The following RBKS variants were observed in gnomAD, a reference collection of about 807,000 sequenced individuals.
The protein encoded by RBKS is ribokinase.
Under a neutral mutation model 33.9 loss-of-function variants are expected in RBKS, and 33 were observed. That is an observed-to-expected ratio of 0.97 (90% confidence interval 0.74 to 1.30). RBKS has a LOEUF of 1.30. Among genes scored for constraint, RBKS ranks in the 50% most tolerant of loss-of-function variants. The pLI is 0.00. For synonymous variants in RBKS, 125 were observed against 143.0 expected, an observed-to-expected ratio of 0.87 and a Z score of 0.90; for missense variants, 361 against 392.6, an observed-to-expected ratio of 0.92 and a Z score of 0.68.
intron 7 of RBKS, among the ~76,000 whole-genome samples, chr2:27,805,297 C>T (rs146232180): frequency 1.4e-4 from 22 of 152,288 alleles, no homozygotes; most frequent in African/African-American, 5.1e-4. Context: ...TTTCCATAGA[C>T]CTGATTTTCT....
intron 7 of RBKS, among the ~76,000 whole-genome samples, chr2:27,812,656 A>G (rs1433507560): frequency 6.6e-6 from 1 of 152,212 alleles, no homozygotes; most frequent in Middle Eastern, 3.2e-3. Context: ...GAATTGAACA[A>G]TGAGAACACT....
chr2:27,826,634 T>C (rs934741561), intron 7 of RBKS, among the ~76,000 whole-genome samples: 1 of 152,096 alleles, frequency 6.6e-6, no homozygotes, highest in Non-Finnish European at 1.5e-5. Flanking sequence ...TCTCGATCTC[T>C]TGACCTCATG....
At chr2:27,801,949 GGAA>G (rs1278261808) in intron 7 of RBKS, among the ~76,000 whole-genome samples, 17 of 54,756 alleles carry the variant, frequency 3.1e-4, no homozygotes, top group African/African-American at 7.8e-4. Flanking sequence ...GAGTAGCTGG[GGAA>G]AAAAAAAAAA....
intron 7 of RBKS, among the ~76,000 whole-genome samples, chr2:27,799,530 A>G (rs1677732738): frequency 6.6e-6 from 1 of 152,240 alleles, no homozygotes; most frequent in South Asian, 2.1e-4. Context: ...TGAATTCCTC[A>G]GCCATGCTTG....
chr2:27,849,559 C>CAAAAAAAAA (rs70953894), intron 2 of RBKS, among the ~76,000 whole-genome samples: 22 of 28,578 alleles, frequency 7.7e-4, no homozygotes, highest in Non-Finnish European at 9.5e-4. Context: ...GACTCTGTCT[C>CAAAAAAAAA]AAAAAAAAAA....
intron 7 of RBKS, among the ~76,000 whole-genome samples, chr2:27,804,824 T>A (rs1677865324): frequency 6.6e-6 from 1 of 152,138 alleles, no homozygotes; most frequent in South Asian, 2.1e-4. Context: ...GCCGGCGGAT[T>A]GCTTGAGCTC....
Position 27,809,848 on chromosome 2 carries a change from G to A in RBKS, c.795+17719C>T, listed in dbSNP as rs1677959613. 30 of 1,018,336 alleles carry A rather than the reference G, an allele frequency of 2.9e-5. 1 individual carries two copies. The South Asian group carries it at 4.1e-4, about 14-fold the overall frequency. 63.1% of individuals were successfully genotyped at this position (1,018,336 alleles called of 1,614,324 possible). On this transcript the variant is annotated intron_variant, in intron 7 of 7. Transcript: ENST00000302188. Reference sequence around the variant, plus strand: ...TTCATAATATTAGCACCAACCACAGGTTCCACTTCTGCTGATGCACAAAAT... The same window carrying A: ...TTCATAATATTAGCACCAACCACAGATTCCACTTCTGCTGATGCACAAAAT...
At chr2:27,792,580 A>C (rs1274813518) in intron 7 of RBKS, among the ~76,000 whole-genome samples, 2 of 152,182 alleles carry the variant, frequency 1.3e-5, no homozygotes, top group Non-Finnish European at 2.9e-5. Flanking sequence ...AAAATCAATG[A>C]ACAGAACTCT....
At chr2:27,862,262 T>A (rs2148221520) in intron 1 of RBKS, among the ~76,000 whole-genome samples, 1 of 152,206 alleles carries the variant, frequency 6.6e-6, no homozygotes, top group Non-Finnish European at 1.5e-5. Flanking sequence ...TTTATGTTAT[T>A]TAAAAGGAAA....
At chr2:27,859,713 A>G (rs1663933461) in intron 1 of RBKS, among the ~76,000 whole-genome samples, 1 of 152,198 alleles carries the variant, frequency 6.6e-6, no homozygotes, top group Non-Finnish European at 1.5e-5. Context: ...AAAAAGGTTA[A>G]CTAGCTTTAG....
chr2:27,853,737 T>C (rs1663796330), intron 2 of RBKS, among the ~76,000 whole-genome samples: 1 of 152,222 alleles, frequency 6.6e-6, no homozygotes, highest in Non-Finnish European at 1.5e-5. Context: ...AGAGTGGTGA[T>C]AGGTTTGAGA....
At chr2:27,843,464 G>C (rs56199407) in intron 4 of RBKS, among the ~76,000 whole-genome samples, 9,738 of 152,084 alleles carry the variant, frequency 0.064, 688 homozygotes, top group African/African-American at 0.17. Flanking sequence ...ATCTTAAAAA[G>C]ATTTTCCCAA....
chr2:27,842,442 T>G (rs1419880004), intron 5 of RBKS, among the ~76,000 whole-genome samples: 2 of 152,226 alleles, frequency 1.3e-5, no homozygotes, highest in Middle Eastern at 6.3e-3. Context: ...TAATCTTTTG[T>G]TGTTTATTGA....
intron 1 of RBKS, among the ~76,000 whole-genome samples, chr2:27,883,113 TCACC>T (rs1159503821): frequency 6.6e-6 from 1 of 151,442 alleles, no homozygotes; most frequent in Non-Finnish European, 1.5e-5. Flanking sequence ...AAAAGATAAA[TCACC>T]CAGTCTTAGG....
At position 27,834,371 on chromosome 2, in the gene RBKS, T is replaced by C. The variant is rs940424122; in HGVS notation, c.515-1594A>G. 4.1e-4 allele frequency among the ~76,000 whole-genome samples: 62 copies of C among 152,366 alleles called. 1 individual carries two copies. Among genetic ancestry groups the C allele is most frequent in the African/African-American group, 1.4e-3 (58 of 41,594 alleles). On this transcript the variant is annotated intron_variant, in intron 5 of 7. Transcript: ENST00000302188. Reference sequence around the variant, plus strand: ...GGTATATTTTTGGCTGCTCAGATTTTTGTATAGAGTTATTGTGCAGCTTAA... The same window carrying C: ...GGTATATTTTTGGCTGCTCAGATTTCTGTATAGAGTTATTGTGCAGCTTAA...
intron 7 of RBKS, chr2:27,782,531 T>C (rs1378770491): frequency 2.3e-6 from 1 of 428,444 alleles, no homozygotes. Flanking sequence ...ATGTATTTTG[T>C]AGCACATACC....
chr2:27,859,172 C>T (rs935056465), intron 1 of RBKS, among the ~76,000 whole-genome samples: 2 of 152,152 alleles, frequency 1.3e-5, no homozygotes, highest in African/African-American at 4.8e-5. Context: ...CACATCATTT[C>T]ACGTGCTCAC....
chr2:27,801,950 GA>G (rs1217494223), intron 7 of RBKS, among the ~76,000 whole-genome samples: 448 of 40,422 alleles, frequency 0.011, 2 homozygotes, highest in South Asian at 0.024. Context: ...AGTAGCTGGG[GA>G]AAAAAAAAAA....
intron 4 of RBKS, among the ~76,000 whole-genome samples, chr2:27,846,777 C>A (rs1433719769): frequency 6.6e-6 from 1 of 152,064 alleles, no homozygotes; most frequent in Non-Finnish European, 1.5e-5. Context: ...GACATTACAG[C>A]ATATACATAT....
Sources: gnomAD v4.1 joint callset for allele counts (sites outside exome capture counted in the v4.1 genomes callset) on GRCh38, gnomAD v4.1.1 for gene constraint, MANE v1.5 for transcripts, NCBI Gene and HGNC (gene_info 2026-07-23, HGNC 2026-07-21) for gene names.